The following FILIP1L variants were observed in gnomAD, a reference collection of about 807,000 sequenced individuals.
The protein encoded by FILIP1L is filamin A interacting protein 1 like, also known as filamin A-interacting protein 1-like.
FILIP1L carries 55 observed loss-of-function variants against 96.6 expected under a neutral mutation model. That is an observed-to-expected ratio of 0.57 (90% CI 0.46 to 0.71). The LOEUF is 0.71. Ranked by LOEUF, FILIP1L falls within the 30% of genes least tolerant of loss-of-function variation. The probability of loss-of-function intolerance (pLI) is 0.00; values close to 1 mark genes in which losing one functional copy is unlikely to be tolerated. For missense variants in FILIP1L, 1,304 were observed against 1,321.2 expected, an observed-to-expected ratio of 0.99 and a Z score of 0.20; for synonymous variants, 467 against 473.9, an observed-to-expected ratio of 0.99 and a Z score of 0.19.
At chr3:99,969,557 G>A (rs557644983) in intron 1 of FILIP1L, among the ~76,000 whole-genome samples, 38 of 152,274 alleles carry the variant, frequency 2.5e-4, no homozygotes, top group East Asian at 5.8e-4. Flanking sequence ...GTAATGAGCC[G>A]TGCTATCCCA....
At chr3:99,872,572 G>A (rs1331658173) in intron 4 of FILIP1L, among the ~76,000 whole-genome samples, 1 of 151,734 alleles carries the variant, frequency 6.6e-6, no homozygotes, top group Non-Finnish European at 1.5e-5. Flanking sequence ...CTGCTCCCCT[G>A]CCTGCCCCCA....
intron 1 of FILIP1L, among the ~76,000 whole-genome samples, chr3:100,028,664 A>G (rs1323334466): frequency 6.6e-6 from 1 of 152,208 alleles, no homozygotes; most frequent in Non-Finnish European, 1.5e-5. Context: ...CAATAATGGA[A>G]TAGCATTTTT....
At chr3:100,028,421 T>G (rs2064965994) in intron 1 of FILIP1L, among the ~76,000 whole-genome samples, 1 of 152,160 alleles carries the variant, frequency 6.6e-6, no homozygotes, top group Non-Finnish European at 1.5e-5. Flanking sequence ...AGCTGGTGGT[T>G]GTTTGGCCTT....
At chr3:100,100,157 A>G (rs1212075915) in intron 1 of FILIP1L, among the ~76,000 whole-genome samples, 1 of 152,084 alleles carries the variant, frequency 6.6e-6, no homozygotes, top group Non-Finnish European at 1.5e-5. Flanking sequence ...GGGCTGGGAC[A>G]ATGCTGCCAC....
At chr3:99,895,102 G>A (rs1240983604) in intron 4 of FILIP1L, among the ~76,000 whole-genome samples, 4 of 152,112 alleles carry the variant, frequency 2.6e-5, no homozygotes, top group African/African-American at 7.2e-5. Flanking sequence ...ACAGGGTGTA[G>A]GCTGGCTTTT....
intron 1 of FILIP1L, among the ~76,000 whole-genome samples, chr3:100,091,445 A>C (rs978823322): frequency 6.6e-6 from 1 of 152,238 alleles, no homozygotes; most frequent in Non-Finnish European, 1.5e-5. Context: ...GGGAAGAAGA[A>C]GTGTAAGAAA....
At chr3:99,930,684 ATC>A in intron 2 of FILIP1L, 83 bp downstream of exon 2, 2 of 1,429,110 alleles carry the variant, frequency 1.4e-6, no homozygotes, top group Non-Finnish European at 1.9e-6. Flanking sequence ...AACCACAGAT[ATC>A]TATTTCTGTG....
At chr3:99,933,281 G>A (rs752757333) in intron 1 of FILIP1L, among the ~76,000 whole-genome samples, 1 of 152,094 alleles carries the variant, frequency 6.6e-6, no homozygotes. Flanking sequence ...TTACAAATAC[G>A]GTATAGATGA....
chr3:99,985,594 CT>C (rs759661932), intron 1 of FILIP1L, among the ~76,000 whole-genome samples: 167 of 145,162 alleles, frequency 1.2e-3, no homozygotes, highest in Non-Finnish European at 1.1e-3. Flanking sequence ...ATGAGAAAAG[CT>C]TTTTTTTTTT....
Position 99,848,710 on chromosome 3 carries a change from G to A in FILIP1L, c.2966C>T (p.Ser989Phe). 2 of 1,614,190 alleles carry A rather than the reference G, an allele frequency of 1.2e-6. No homozygotes were observed. The highest frequency in any genetic ancestry group is 1.7e-6 in the Non-Finnish European group (2 of 1,180,020). Residue 989 changes from serine (S) to phenylalanine (F), a missense_variant, in exon 5 of 6, where the codon TCT (serine) becomes TTT (phenylalanine). Transcript: ENST00000477258. ...ATFARAQTPE[S>F]CGSLTPERTM... ...CCTTTCTGGAGTTAGAGAACCACAA[G>A]ACTCTGGGGTCTGTGCTCTGGCAAA... is the stretch of plus-strand genomic sequence containing the variant.
At chr3:100,001,979 C>G (rs559586361) in intron 1 of FILIP1L, among the ~76,000 whole-genome samples, 2 of 152,260 alleles carry the variant, frequency 1.3e-5, no homozygotes, top group South Asian at 4.2e-4. Context: ...GTCCATATCC[C>G]CCCCAATTCT....
chr3:99,870,663 C>T (rs1234916174), intron 4 of FILIP1L, among the ~76,000 whole-genome samples: 1 of 152,146 alleles, frequency 6.6e-6, no homozygotes, highest in Non-Finnish European at 1.5e-5. Context: ...TTTGCTACTG[C>T]TGAGGAGAAT....
Position 100,018,709 on chromosome 3 carries a change from C to T in FILIP1L, c.-10-87679G>A, listed in dbSNP as rs895406803. On this transcript the variant is annotated intron_variant, in intron 1 of 5. Coordinates refer to ENST00000477258, the MANE Select transcript of FILIP1L (RefSeq NM_001387850.1). ...AAGCAAGAATAGATGAATGAAATTA[C>T]ATCAAACTTAAAAGTTTCCGCATAG... Among the ~76,000 whole-genome samples the T allele has an allele frequency of 1.4e-4, 19 of 131,766 alleles. No homozygotes were observed. In the Admixed American group the frequency reaches 1.4e-3, roughly 10 times the overall value. 86.4% of individuals were successfully genotyped at this position (131,766 alleles called of 152,430 possible).
At chr3:100,014,891 C>CTTTTTTTTTTTTTTTTTTTTT (rs1710284139) in intron 1 of FILIP1L, among the ~76,000 whole-genome samples, 8 of 27,226 alleles carry the variant, frequency 2.9e-4, no homozygotes, top group Admixed American at 4.7e-4. Flanking sequence ...TTTTTTCTTT[C>CTTTTTTTTTTTTTTTTTTTTT]TTTCTTTTTT....
chr3:99,982,236 C>G (rs1486177250), intron 1 of FILIP1L, among the ~76,000 whole-genome samples: 1 of 151,792 alleles, frequency 6.6e-6, no homozygotes, highest in Non-Finnish European at 1.5e-5. Flanking sequence ...TTGTACACAT[C>G]TTTTTTTATG....
chr3:99,866,056 C>T (rs1210553829), intron 4 of FILIP1L, among the ~76,000 whole-genome samples: 2 of 152,032 alleles, frequency 1.3e-5, no homozygotes, highest in African/African-American at 2.4e-5. Context: ...CTCTACTCTT[C>T]GTTGGGCTGC....
intron 1 of FILIP1L, among the ~76,000 whole-genome samples, chr3:99,980,928 A>G (rs931688724): frequency 9.9e-5 from 15 of 152,264 alleles, no homozygotes; most frequent in Non-Finnish European, 1.6e-4. Flanking sequence ...AATACTGGCT[A>G]TGTACCCATG....
At chr3:99,986,328 T>A (rs945581794) in intron 1 of FILIP1L, among the ~76,000 whole-genome samples, 3 of 152,184 alleles carry the variant, frequency 2.0e-5, no homozygotes, top group Non-Finnish European at 4.4e-5. Context: ...CTCCACTCCA[T>A]TGCCATAAAG....
intron 4 of FILIP1L, among the ~76,000 whole-genome samples, chr3:99,907,308 C>T (rs564931515): frequency 3.3e-4 from 50 of 152,104 alleles, no homozygotes; most frequent in Admixed American, 1.3e-3. Flanking sequence ...AGTGCAGTGG[C>T]GCAATCTCAG....
Sources: gnomAD v4.1 joint callset for allele counts (sites outside exome capture counted in the v4.1 genomes callset) on GRCh38, gnomAD v4.1.1 for gene constraint, MANE v1.5 for transcripts, NCBI Gene and HGNC (gene_info 2026-07-23, HGNC 2026-07-21) for gene names.